OGDHL: variants seen among roughly 807,000 people sequenced by gnomAD.
The protein encoded by OGDHL is 2-oxoglutarate dehydrogenase-like, mitochondrial.
In OGDHL, 79 loss-of-function variants were observed where a neutral mutation model predicts 109.6. The ratio of observed to expected loss-of-function variants is 0.72; its 90% CI spans 0.60 to 0.87. The LOEUF is 0.87. Ranked by LOEUF, OGDHL falls within the 40% of genes least tolerant of loss-of-function variation. The pLI is 0.00. For synonymous variants in OGDHL, 528 were observed against 537.2 expected (o/e 0.98, Z 0.24); for missense variants, 1,275 against 1,362.2 (o/e 0.94, Z 1.01).
chr10:49,739,825 A>G lies in OGDHL; in HGVS notation c.2155T>C (p.Tyr719His), dbSNP rs781750618. The G allele has an allele frequency of 2.5e-6, 4 of 1,613,572 alleles. No individual in the cohort carries two copies. In the African/African-American group the frequency reaches 5.3e-5, roughly 22 times the overall value. The change falls in exon 17 of 23, where the codon TAT (tyrosine) becomes CAT (histidine). Residue 719 changes from tyrosine to histidine, a missense_variant. Physicochemically the swap from Tyr to His is moderately conservative, Grantham distance 83. Transcript: ENST00000374103. ...EYGVLGFELG[Y>H]AMASPNALVL... ...AGGGCATTGGGGCTGGCCATGGCATAGCCCAGCTCAAAGCCTAAACAGAAG... is the reference window on the plus strand; with the variant it reads ...AGGGCATTGGGGCTGGCCATGGCATGGCCCAGCTCAAAGCCTAAACAGAAG...
In OGDHL at chr10:49,750,467, G is replaced by A. The variant is rs115959272; in HGVS notation, c.896+372C>T. ...GACCTCCCTGTTGGGGACACAACCC[G>A]GGAACAACTGCCCAGGCCCTGCCCT... is the stretch of plus-strand genomic sequence containing the variant. On this transcript the variant is annotated intron_variant, in intron 7 of 22. Coordinates refer to ENST00000374103, the MANE Select transcript of OGDHL (RefSeq NM_018245.3). 4.1e-3 allele frequency among the ~76,000 whole-genome samples: 630 copies of A among 152,196 alleles called. 5 individuals are homozygous for A. The highest frequency in any genetic ancestry group is 0.014 in the African/African-American group (579 of 41,540).
intron 3 of OGDHL, 133 bp downstream of exon 3, chr10:49,756,643 G>T: frequency 1.2e-6 from 1 of 856,142 alleles, no homozygotes; most frequent in African/African-American, 1.7e-5. Flanking sequence ...AGGAGTAGGT[G>T]CCGCTCAGTA....
At chr10:49,756,638 T>G (rs1380421018) in intron 3 of OGDHL, 138 bp downstream of exon 3, 7 of 782,082 alleles carry the variant, frequency 9.0e-6, no homozygotes, top group South Asian at 2.5e-5. Flanking sequence ...GCTAGAGGAG[T>G]AGGTGCCGCT....
chr10:49,758,473 G>A lies in OGDHL; in HGVS notation c.120C>T (p.Phe40=). ...AGCCGCCTCCACCTTTGCTGCTTGG[G>A]AAGGTGGCCGGTGGCCCGGAGGACC... is the stretch of plus-strand genomic sequence containing the variant. ...RSRSSGPPAT[F]PSSKGGGGSS... is the part of the protein sequence containing the mutation. The change falls in exon 2 of 23, where the codon TTC becomes TTT. Residue 40 remains phenylalanine (F), a synonymous_variant. Coordinates refer to ENST00000374103, the MANE Select transcript of OGDHL (RefSeq NM_018245.3). 1 of 1,613,958 alleles carries A rather than the reference G, an allele frequency of 6.2e-7. No homozygotes were observed. Among genetic ancestry groups the A allele is most frequent in the Non-Finnish European group, 8.5e-7 (1 of 1,180,032 alleles).
chr10:49,758,845 T>C (rs917522189), intron 1 of OGDHL, among the ~76,000 whole-genome samples: 1 of 151,960 alleles, frequency 6.6e-6, no homozygotes, highest in African/African-American at 2.4e-5. Flanking sequence ...TGTGCCACAC[T>C]CATCCCAGAC....
At chr10:49,754,130 A>C (rs1205581924) in intron 3 of OGDHL, among the ~76,000 whole-genome samples, 1 of 152,198 alleles carries the variant, frequency 6.6e-6, no homozygotes, top group African/African-American at 2.4e-5. Flanking sequence ...GCCCAGAAGT[A>C]ATGATCAAAC....
intron 15 of OGDHL, among the ~76,000 whole-genome samples, chr10:49,742,273 C>A (rs954457995): frequency 8.7e-5 from 12 of 138,712 alleles, no homozygotes; most frequent in African/African-American, 3.0e-4. Flanking sequence ...ACACACTCAA[C>A]ACACAACACA....
intron 13 of OGDHL, 129 bp from the exon 14 acceptor site, chr10:49,744,251 G>GGT: frequency 8.2e-7 from 1 of 1,224,130 alleles, no homozygotes; most frequent in Non-Finnish European, 1.1e-6. Flanking sequence ...CTCACCCTGA[G>GGT]CCCACCCTTG....
chr10:49,744,511 CT>C, intron 13 of OGDHL, 138 bp downstream of exon 13: 2 of 679,088 alleles, frequency 2.9e-6, no homozygotes, highest in Admixed American at 2.6e-5. Context: ...CCCCACGCAG[CT>C]TTGGGGACTC....
At chr10:49,761,589 TAGG>T (rs1554824314) in intron 1 of OGDHL, among the ~76,000 whole-genome samples, 1 of 152,160 alleles carries the variant, frequency 6.6e-6, no homozygotes, top group Non-Finnish European at 1.5e-5. Flanking sequence ...GAGGGGCTGC[TAGG>T]GCCTGCTTGA....
chr10:49,750,127 C>T (rs981082689), intron 7 of OGDHL, among the ~76,000 whole-genome samples: 1 of 152,202 alleles, frequency 6.6e-6, no homozygotes, highest in African/African-American at 2.4e-5. Context: ...AATGGGGACC[C>T]CTGCACCATG....
chr10:49,745,569 G>C (rs540794112), intron 11 of OGDHL, 73 bp from the exon 12 acceptor site: 69 of 1,580,638 alleles, frequency 4.4e-5, no homozygotes, highest in Non-Finnish European at 5.6e-5. Flanking sequence ...CAAAATTGGG[G>C]AATATCTGGG....
Position 49,752,468 on chromosome 10 carries a change from A to G in OGDHL, c.478+170T>C, listed in dbSNP as rs113236933. Reference sequence around the variant, plus strand: ...GCACAAGCTAGGGAAAGTGGCAGGCATCCTTCTCAGGAACAACAGGCAGTA... The same window carrying G: ...GCACAAGCTAGGGAAAGTGGCAGGCGTCCTTCTCAGGAACAACAGGCAGTA... On this transcript the variant is annotated intron_variant, in intron 4 of 22. Transcript: ENST00000374103. Among the ~76,000 whole-genome samples, 581 of 152,320 alleles carry G rather than the reference A, an allele frequency of 3.8e-3. 2 individuals carry two copies. Among genetic ancestry groups the G allele is most frequent in the African/African-American group, 0.012 (497 of 41,584 alleles).
Position 49,736,463 on chromosome 10 carries a change from T to G in OGDHL, c.2648A>C (p.Gln883Pro). The change falls in exon 21 of 23, where the codon CAG becomes CCG. Residue 883 changes from glutamine (Q) to proline (P), a missense_variant. Transcript: ENST00000374103. ...EDGAAARAPE[Q>P]VQRLIFCTGK... ...CGTGCAGAAGATGAGCCGCTGCACCTGCTCAGGGGCCCGTGCTGCGGCCCC... is the reference window on the plus strand; with the variant it reads ...CGTGCAGAAGATGAGCCGCTGCACCGGCTCAGGGGCCCGTGCTGCGGCCCC... The G allele has an allele frequency of 6.2e-7, 1 of 1,613,982 alleles. No homozygotes were observed. Among genetic ancestry groups the G allele is most frequent in the Non-Finnish European group, 8.5e-7 (1 of 1,180,028 alleles).
At position 49,749,725 on chromosome 10, in the gene OGDHL, C is replaced by T; in HGVS notation, c.987+1G>A. 6.3e-7 allele frequency: 1 copy of T among 1,584,130 alleles called. No homozygotes were observed. The highest frequency in any genetic ancestry group is 1.7e-4 in the Middle Eastern group (1 of 6,036). On this transcript the variant is annotated splice_donor_variant, in intron 8 of 22. Transcript: ENST00000374103. LOFTEE classifies it high-confidence loss of function. ...TGCCGGGACCTGGGCATGGCACCCA[C>T]CTCGTCCGCCGCCTCCAGCTTGGGG...
chr10:49,738,075 G>C lies in OGDHL; in HGVS notation c.2392-3C>G. On this transcript the variant is annotated splice_polypyrimidine_tract_variant and splice_region_variant and intron_variant, in intron 18 of 22. Coordinates refer to ENST00000374103, the MANE Select transcript of OGDHL (RefSeq NM_018245.3). ...ACCTCGAAGTCCTTGGTGAATGCCT[G>C]TGGGGACGAGATGCATATGGCCAGG... 6.2e-7 allele frequency: 1 copy of C among 1,614,168 alleles called. No individual in the cohort carries two copies. Among genetic ancestry groups the C allele is most frequent in the Non-Finnish European group, 8.5e-7 (1 of 1,180,018 alleles).
In OGDHL at chr10:49,756,910, C is replaced by A. The variant is rs868032123; in HGVS notation, c.241G>T (p.Ala81Ser). The A allele has an allele frequency of 6.8e-6, 11 of 1,613,764 alleles. No homozygotes were observed. Among genetic ancestry groups the A allele is most frequent in the Non-Finnish European group, 9.3e-6 (11 of 1,179,858 alleles). ...CGTGGCTGAGCAGAGCCAGAAAAGGCTTCCTCGCTGGCTTCCCTGAAGAAG... is the reference window on the plus strand; with the variant it reads ...CGTGGCTGAGCAGAGCCAGAAAAGGATTCCTCGCTGGCTTCCCTGAAGAAG... ...DSFFREASEE[A>S]FSGSAQPRPP... Residue 81 changes from alanine (A) to serine (S), a missense_variant, in exon 3 of 23, where the codon GCC becomes TCC. Physicochemically the swap from Ala to Ser is moderately conservative, Grantham distance 99. Transcript: ENST00000374103.
rs771753734 is a variant in OGDHL, at chr10:49,736,438, C to A, written c.2673G>T (p.Thr891=). Residue 891 remains threonine (T), a synonymous_variant, in exon 21 of 23, where the codon ACG becomes ACT. Coordinates refer to ENST00000374103, the MANE Select transcript of OGDHL (RefSeq NM_018245.3). ...PEQVQRLIFC[T]GKVYYDLVKE... The stretch of plus-strand genomic sequence containing the variant: ...TCACCAGGTCATAGTACACCTTTCC[C>A]GTGCAGAAGATGAGCCGCTGCACCT... 1 of 1,614,112 alleles carries A rather than the reference C, an allele frequency of 6.2e-7. No individual in the cohort carries two copies. Among genetic ancestry groups the A allele is most frequent in the South Asian group, 1.1e-5 (1 of 91,086 alleles).
At chr10:49,749,938 C>A in intron 7 of OGDHL, 122 bp from the exon 8 acceptor site, 1 of 714,116 alleles carries the variant, frequency 1.4e-6, no homozygotes, top group Non-Finnish European at 2.3e-6. Flanking sequence ...CCTCCTCAGG[C>A]CACCCAATCA....
Sources: gnomAD v4.1 joint callset for allele counts (sites outside exome capture counted in the v4.1 genomes callset) on GRCh38, gnomAD v4.1.1 for gene constraint, MANE v1.5 for transcripts, NCBI Gene and HGNC (gene_info 2026-07-23, HGNC 2026-07-21) for gene names.